UNC13C: variants seen among roughly 807,000 people sequenced by gnomAD.
The protein encoded by UNC13C is protein unc-13 homolog C.
UNC13C carries 174 observed loss-of-function variants against 245.4 expected under a neutral mutation model. The observed-to-expected ratio is 0.71, with a 90% confidence interval of 0.63 to 0.80. The LOEUF (loss-of-function observed/expected upper bound fraction) is 0.80. Ranked by LOEUF, UNC13C falls within the 30% of genes least tolerant of loss-of-function variation. The probability of loss-of-function intolerance (pLI) is 0.00; values close to 1 mark genes in which losing one functional copy is unlikely to be tolerated. For synonymous variants in UNC13C, 992 were observed against 895.1 expected (o/e 1.11, Z -1.93); for missense variants, 2,829 against 2,602.9 (o/e 1.09, Z -1.89).
chr15:54,594,643 G>A (rs542081851), intron 30 of UNC13C, among the ~76,000 whole-genome samples: 18 of 152,236 alleles, frequency 1.2e-4, no homozygotes, highest in East Asian at 3.9e-4. Context: ...CCCAGCTCCC[G>A]CACAAACTGT....
chr15:54,180,429 T>A (rs2033759020), intron 4 of UNC13C, among the ~76,000 whole-genome samples: 1 of 152,024 alleles, frequency 6.6e-6, no homozygotes, highest in Non-Finnish European at 1.5e-5. Context: ...GCTGATTCCA[T>A]GTTGTTGATA....
chr15:54,199,643 A>G (rs536973480), intron 4 of UNC13C, among the ~76,000 whole-genome samples: 1 of 152,286 alleles, frequency 6.6e-6, no homozygotes, highest in African/African-American at 2.4e-5. Context: ...ACAAATGCTG[A>G]CAGAATTTGC....
Position 54,262,927 on chromosome 15 carries a change from C to A in UNC13C, c.3449-1241C>A, listed in dbSNP as rs140450784. Among the ~76,000 whole-genome samples, 769 of 152,108 alleles carry A rather than the reference C, an allele frequency of 5.1e-3. 7 individuals are homozygous for A. Among genetic ancestry groups the A allele is most frequent in the African/African-American group, 0.018 (735 of 41,520 alleles). On this transcript the variant is annotated intron_variant, in intron 8 of 32. Coordinates refer to ENST00000260323, the MANE Select transcript of UNC13C (RefSeq NM_001080534.3). Reference sequence around the variant, plus strand: ...ATCATAAGTAAAGTTAATAGTTGACCTTTCATCTCTTGTCTTACTTTCTAT... The same window carrying A: ...ATCATAAGTAAAGTTAATAGTTGACATTTCATCTCTTGTCTTACTTTCTAT...
In UNC13C at chr15:54,511,973, C is replaced by T; in HGVS notation, c.5457+143C>T. ...TGATAATAATCTCAAATGTCATTAA[C>T]AACTAAAATGATTATTATCCACAAC... On this transcript the variant is annotated intron_variant, in intron 24 of 32. Coordinates refer to ENST00000260323, the MANE Select transcript of UNC13C (RefSeq NM_001080534.3). 3 of 682,538 alleles carry T rather than the reference C, an allele frequency of 4.4e-6. No homozygotes were observed. In the South Asian group the frequency reaches 5.0e-5, roughly 11 times the overall value. 42.3% of individuals were successfully genotyped at this position (682,538 alleles called of 1,614,324 possible).
At chr15:54,289,473 C>G (rs2037235341) in intron 10 of UNC13C, among the ~76,000 whole-genome samples, 1 of 152,118 alleles carries the variant, frequency 6.6e-6, no homozygotes, top group South Asian at 2.1e-4. Context: ...GTGCCAGCAT[C>G]TCCTCCACAG....
intron 19 of UNC13C, among the ~76,000 whole-genome samples, chr15:54,420,167 A>G (rs2040608679): frequency 6.6e-6 from 1 of 152,128 alleles, no homozygotes; most frequent in African/African-American, 2.4e-5. Flanking sequence ...CTATTATGAT[A>G]TAATGAATTA....
the UNC13C span, among the ~76,000 whole-genome samples, chr15:53,949,386 A>G: frequency 2.0e-5 from 3 of 152,202 alleles, no homozygotes; most frequent in Non-Finnish European, 4.4e-5. Flanking sequence ...AACCCAGGAA[A>G]TCCATAGACA....
intron 24 of UNC13C, among the ~76,000 whole-genome samples, chr15:54,521,551 A>G (rs1383714106): frequency 1.3e-5 from 2 of 152,214 alleles, no homozygotes; most frequent in Admixed American, 1.3e-4. Flanking sequence ...TTGCTGCTGT[A>G]AGAGAATATA....
chr15:54,187,527 C>T (rs998425719), intron 4 of UNC13C, among the ~76,000 whole-genome samples: 3 of 152,162 alleles, frequency 2.0e-5, no homozygotes, highest in South Asian at 4.1e-4. Flanking sequence ...TTCTCTACAG[C>T]TGGCCCATTG....
chr15:54,516,799 C>CAACAAAA (rs1894999294), intron 24 of UNC13C, among the ~76,000 whole-genome samples: 1 of 123,626 alleles, frequency 8.1e-6, no homozygotes, highest in East Asian at 2.3e-4. Context: ...GATGCTGTCT[C>CAACAAAA]AAAAAAAAAA....
intron 4 of UNC13C, among the ~76,000 whole-genome samples, chr15:54,226,331 A>G (rs1036907696): frequency 6.6e-6 from 1 of 152,148 alleles, no homozygotes; most frequent in African/African-American, 2.4e-5. Context: ...TGAGTTAGGG[A>G]TGAGTCCATC....
At chr15:54,584,862 G>T (rs888590743) in intron 30 of UNC13C, among the ~76,000 whole-genome samples, 5 of 152,200 alleles carry the variant, frequency 3.3e-5, no homozygotes, top group African/African-American at 1.2e-4. Flanking sequence ...GTAAGTGGTG[G>T]AACTGGATTC....
At chr15:54,617,410 G>GCACAGTATATACTATATCTTAT (rs1900513124) in intron 30 of UNC13C, among the ~76,000 whole-genome samples, 2 of 151,938 alleles carry the variant, frequency 1.3e-5, no homozygotes, top group African/African-American at 4.8e-5. Flanking sequence ...GAGCATCAGA[G>GCACAGTATATACTATATCTTAT]CACAGTATAT....
At chr15:53,969,401 A>G in the UNC13C span, among the ~76,000 whole-genome samples, 1 of 152,190 alleles carries the variant, frequency 6.6e-6, no homozygotes, top group African/African-American at 2.4e-5. Context: ...TCCTTCAGAT[A>G]GCAATTTAAA....
chr15:54,417,877 G>A (rs572272633), intron 19 of UNC13C, among the ~76,000 whole-genome samples: 2 of 152,134 alleles, frequency 1.3e-5, no homozygotes, highest in African/African-American at 2.4e-5. Flanking sequence ...TTATATTAGA[G>A]CCAGGCAGTT....
In UNC13C at chr15:54,136,088, G is replaced by A. The variant is rs1054941386; in HGVS notation, c.2984-6930G>A. On this transcript the variant is annotated intron_variant, in intron 2 of 32. Coordinates refer to ENST00000260323, the MANE Select transcript of UNC13C (RefSeq NM_001080534.3). ...AGTGTACAGATCTTTCACCTCCTTCGTTAAATTTATATGTAAGTATTTAAC... is the reference window on the plus strand; with the variant it reads ...AGTGTACAGATCTTTCACCTCCTTCATTAAATTTATATGTAAGTATTTAAC... Among the ~76,000 whole-genome samples the A allele has an allele frequency of 1.3e-4, 20 of 151,998 alleles. No homozygotes were observed. The South Asian group carries it at 2.5e-3, about 19-fold the overall frequency.
intron 19 of UNC13C, among the ~76,000 whole-genome samples, chr15:54,448,841 T>C (rs996657155): frequency 2.0e-5 from 3 of 152,102 alleles, no homozygotes; most frequent in African/African-American, 4.8e-5. Flanking sequence ...TTATTTTGCT[T>C]GTTAGTTGAT....
chr15:54,057,583 A>C (rs146612990), intron 2 of UNC13C, among the ~76,000 whole-genome samples: 9,329 of 152,172 alleles, frequency 0.061, 457 homozygotes, highest in South Asian at 0.16. Context: ...ATATCCAGGA[A>C]TTGAACTCAG....
chr15:54,023,099 A>C (rs1391147217), intron 2 of UNC13C, among the ~76,000 whole-genome samples: 1 of 152,166 alleles, frequency 6.6e-6, no homozygotes, highest in Non-Finnish European at 1.5e-5. Context: ...ATTCTATCAG[A>C]CTCAGTTCTA....
Sources: gnomAD v4.1 joint callset for allele counts (sites outside exome capture counted in the v4.1 genomes callset) on GRCh38, gnomAD v4.1.1 for gene constraint, MANE v1.5 for transcripts, NCBI Gene and HGNC (gene_info 2026-07-23, HGNC 2026-07-21) for gene names.